Variants in TCERG1L observed in about 807,000 individuals in gnomAD.
The protein encoded by TCERG1L is transcription elongation regulator 1 like.
A neutral mutation model predicts 56.3 loss-of-function variants in TCERG1L; 37 were observed. The observed-to-expected ratio is 0.66, with a 90% CI of 0.51 to 0.87. TCERG1L has a LOEUF of 0.87. Among genes scored for constraint, TCERG1L ranks in the 40% least tolerant of loss-of-function variants. The pLI is 0.00. For synonymous variants in TCERG1L, 324 were observed against 326.3 expected, an observed-to-expected ratio of 0.99 and a Z score of 0.08; for missense variants, 799 against 774.2, an observed-to-expected ratio of 1.03 and a Z score of -0.38.
At chr10:131,255,443 A>T (rs1282557378) in intron 4 of TCERG1L, among the ~76,000 whole-genome samples, 1 of 152,230 alleles carries the variant, frequency 6.6e-6, no homozygotes. Context: ...TAAAAATAGC[A>T]AAGGAATAAT....
intron 4 of TCERG1L, among the ~76,000 whole-genome samples, chr10:131,248,404 T>C (rs1441355082): frequency 6.6e-6 from 1 of 152,134 alleles, no homozygotes; most frequent in Non-Finnish European, 1.5e-5. Flanking sequence ...GTATTAATTA[T>C]GACCTTGAGA....
intron 6 of TCERG1L, among the ~76,000 whole-genome samples, chr10:131,150,263 C>T (rs993101022): frequency 3.9e-4 from 4 of 10,214 alleles, no homozygotes; most frequent in African/African-American, 5.1e-4. Flanking sequence ...ACGGCCTCAC[C>T]CAGAGGTGGG....
At chr10:131,114,836 C>T (rs1399509592) in intron 9 of TCERG1L, among the ~76,000 whole-genome samples, 1 of 152,198 alleles carries the variant, frequency 6.6e-6, no homozygotes, top group East Asian at 1.9e-4. Context: ...TTCCTCTTTC[C>T]CAAATGTTCA....
intron 3 of TCERG1L, among the ~76,000 whole-genome samples, chr10:131,277,374 C>G (rs566027348): frequency 6.6e-6 from 1 of 152,294 alleles, no homozygotes; most frequent in African/African-American, 2.4e-5. Context: ...CTCTAACAAC[C>G]GGAGCGGTCA....
chr10:131,215,200 T>G (rs1050606941), intron 4 of TCERG1L, among the ~76,000 whole-genome samples: 1 of 152,174 alleles, frequency 6.6e-6, no homozygotes, highest in Non-Finnish European at 1.5e-5. Context: ...CTCCAGACTA[T>G]AAGTTATCCA....
chr10:131,178,162 C>G (rs1245446512), intron 4 of TCERG1L, among the ~76,000 whole-genome samples: 2 of 152,128 alleles, frequency 1.3e-5, no homozygotes, highest in African/African-American at 4.8e-5. Context: ...CAGGAGGCAC[C>G]ACGTGAGGCC....
chr10:131,242,975 C>T (rs536626345), intron 4 of TCERG1L, among the ~76,000 whole-genome samples: 8 of 152,184 alleles, frequency 5.3e-5, no homozygotes, highest in Admixed American at 2.6e-4. Flanking sequence ...TCAATCTCCA[C>T]GTGTTATAAA....
chr10:131,227,082 G>T (rs1236006713), intron 4 of TCERG1L, among the ~76,000 whole-genome samples: 1 of 152,246 alleles, frequency 6.6e-6, no homozygotes, highest in African/African-American at 2.4e-5. Flanking sequence ...GCCCTCACAG[G>T]ACCCTGGAGA....
At chr10:131,155,721 G>T (rs1420000907) in intron 6 of TCERG1L, among the ~76,000 whole-genome samples, 2 of 152,178 alleles carry the variant, frequency 1.3e-5, no homozygotes, top group Non-Finnish European at 2.9e-5. Flanking sequence ...GGCTGCCTGG[G>T]AACGAAAGCA....
chr10:131,255,931 T>C (rs949748475), intron 4 of TCERG1L, among the ~76,000 whole-genome samples: 52 of 152,356 alleles, frequency 3.4e-4, no homozygotes, highest in African/African-American at 1.2e-3. Context: ...AATTCACTTA[T>C]CATGCGTAAC....
At chr10:131,290,948 C>T (rs1846613305) in intron 3 of TCERG1L, among the ~76,000 whole-genome samples, 1 of 152,154 alleles carries the variant, frequency 6.6e-6, no homozygotes, top group Admixed American at 6.5e-5. Context: ...AGGCGTGGCC[C>T]GTTGCATCCC....
intron 3 of TCERG1L, among the ~76,000 whole-genome samples, chr10:131,294,840 T>A (rs1010783335): frequency 6.6e-6 from 1 of 151,934 alleles, no homozygotes; most frequent in African/African-American, 2.4e-5. Flanking sequence ...TTTAAGCCTT[T>A]TTTTTTTTAA....
At chr10:131,254,190 T>C (rs11017845) in intron 4 of TCERG1L, among the ~76,000 whole-genome samples, 6,522 of 151,630 alleles carry the variant, frequency 0.043, 183 homozygotes, top group Middle Eastern at 0.072. Flanking sequence ...GGGGGACAAA[T>C]GGAGGGCTGC....
chr10:131,197,531 A>C (rs1039839549), intron 4 of TCERG1L, among the ~76,000 whole-genome samples: 2 of 152,112 alleles, frequency 1.3e-5, no homozygotes, highest in African/African-American at 4.8e-5. Context: ...AAAGTGTACA[A>C]AGGTACAAAA....
At chr10:131,264,716 G>A (rs1846268518) in intron 3 of TCERG1L, among the ~76,000 whole-genome samples, 1 of 152,196 alleles carries the variant, frequency 6.6e-6, no homozygotes, top group Non-Finnish European at 1.5e-5. Flanking sequence ...TTGGGCAGAG[G>A]TCCTCCAGGT....
chr10:131,148,735 G>A (rs1449421301), intron 6 of TCERG1L, among the ~76,000 whole-genome samples: 2 of 152,112 alleles, frequency 1.3e-5, no homozygotes, highest in African/African-American at 4.8e-5. Context: ...GAAAAGGCAG[G>A]AAATGGACCT....
At chr10:131,247,127 G>GA (rs1846048823) in intron 4 of TCERG1L, among the ~76,000 whole-genome samples, 1 of 152,142 alleles carries the variant, frequency 6.6e-6, no homozygotes, top group Non-Finnish European at 1.5e-5. Flanking sequence ...CCCAAAACAG[G>GA]AAAGTAAACT....
chr10:131,242,128 C>T (rs2133522066), intron 4 of TCERG1L, among the ~76,000 whole-genome samples: 1 of 152,276 alleles, frequency 6.6e-6, no homozygotes, highest in South Asian at 2.1e-4. Flanking sequence ...GGCTGTGCTC[C>T]AGCAAGTGAG....
chr10:131,166,776 C>G lies in TCERG1L; in HGVS notation c.945+21G>C, dbSNP rs372519007. 1,073 of 1,613,110 alleles carry G rather than the reference C, an allele frequency of 6.7e-4. 1 individual carries two copies. Among genetic ancestry groups the G allele is most frequent in the Non-Finnish European group, 8.6e-4 (1,017 of 1,179,330 alleles). ...CCCAGGGTTTTGTGTCTTTAACACA[C>G]ACACGAGCCCCGAAACTGACCTTGT... On this transcript the variant is annotated intron_variant, in intron 5 of 11. Transcript: ENST00000368642.
Sources: gnomAD v4.1 joint callset for allele counts (sites outside exome capture counted in the v4.1 genomes callset) on GRCh38, gnomAD v4.1.1 for gene constraint, MANE v1.5 for transcripts, NCBI Gene and HGNC (gene_info 2026-07-23, HGNC 2026-07-21) for gene names.